Variants in FOXP2 observed in about 807,000 individuals in gnomAD.
FOXP2 encodes the protein forkhead box P2.
In FOXP2, 12 loss-of-function variants were observed where a neutral mutation model predicts 115.8. The observed-to-expected ratio is 0.10, with a 90% CI of 0.07 to 0.17. The LOEUF (loss-of-function observed/expected upper bound fraction) is 0.17. Among genes scored for constraint, FOXP2 ranks in the 10% least tolerant of loss-of-function variants. The probability of loss-of-function intolerance (pLI) is 1.00; values close to 1 mark genes in which losing one functional copy is unlikely to be tolerated. For missense variants in FOXP2, 629 were observed against 843.5 expected, an observed-to-expected ratio of 0.75 and a Z score of 3.15; for synonymous variants, 328 against 297.7, an observed-to-expected ratio of 1.10 and a Z score of -1.05.
At chr7:114,161,072 C>G (rs1414345328), upstream of FOXP2, among the ~76,000 whole-genome samples, 1 of 152,132 alleles carries the variant, frequency 6.6e-6, no homozygotes, top group African/African-American at 2.4e-5. Flanking sequence ...TTGGTCTTCA[C>G]TGACCCAAAA....
chr7:114,331,474 T>G (rs1238045556), intron 2 of FOXP2, among the ~76,000 whole-genome samples: 1 of 152,170 alleles, frequency 6.6e-6, no homozygotes, highest in Non-Finnish European at 1.5e-5. Flanking sequence ...TGAAGCTTAA[T>G]GTATAAAATT....
chr7:114,609,426 GA>G (rs1205208318), intron 3 of FOXP2, among the ~76,000 whole-genome samples: 2 of 152,048 alleles, frequency 1.3e-5, no homozygotes, highest in East Asian at 1.9e-4. Context: ...AAAGAAATGA[GA>G]AAATAGTAAA....
intron 2 of FOXP2, among the ~76,000 whole-genome samples, chr7:114,401,382 T>C (rs902198261): frequency 3.9e-5 from 6 of 152,198 alleles, no homozygotes; most frequent in Non-Finnish European, 5.9e-5. Context: ...GTTTCTTCTA[T>C]TGACTTGAAG....
chr7:114,223,088 T>C (rs1331239973), intron 1 of FOXP2, among the ~76,000 whole-genome samples: 2 of 152,158 alleles, frequency 1.3e-5, no homozygotes, highest in African/African-American at 4.8e-5. Flanking sequence ...TATTTGTTGG[T>C]ACACATATAC....
intron 3 of FOXP2, 79 bp downstream of exon 3, chr7:114,534,785 A>G (rs576246598): frequency 2.9e-6 from 3 of 1,051,142 alleles, no homozygotes; most frequent in East Asian, 4.8e-5. Flanking sequence ...ACCCACTTGT[A>G]TATATACAGG....
chr7:114,178,540 A>G (rs575396186), intron 1 of FOXP2, among the ~76,000 whole-genome samples: 38 of 152,006 alleles, frequency 2.5e-4, no homozygotes, highest in African/African-American at 8.7e-4. Context: ...TTTTATGAAA[A>G]TTTCATGTGC....
At chr7:114,590,338 A>G (rs1802380948) in intron 3 of FOXP2, among the ~76,000 whole-genome samples, 1 of 152,166 alleles carries the variant, frequency 6.6e-6, no homozygotes, top group South Asian at 2.1e-4. Context: ...TTGGTCAAAT[A>G]TTACAGGGAA....
intron 2 of FOXP2, among the ~76,000 whole-genome samples, chr7:114,462,704 T>A (rs193033021): frequency 6.6e-6 from 1 of 152,240 alleles, no homozygotes; most frequent in East Asian, 1.9e-4. Context: ...TCATAGTCTT[T>A]GAGCTGATAT....
At chr7:114,153,067 A>G (rs545424302) in intron 1 of FOXP2, among the ~76,000 whole-genome samples, 2 of 152,294 alleles carry the variant, frequency 1.3e-5, no homozygotes, top group South Asian at 4.1e-4. Flanking sequence ...TGGGAAAGAA[A>G]TTGTCAAATA....
chr7:114,106,698 C>A (rs367673646), intron 1 of FOXP2, among the ~76,000 whole-genome samples: 4 of 151,858 alleles, frequency 2.6e-5, no homozygotes, highest in East Asian at 1.9e-4. Context: ...AAACCTGAAA[C>A]CTGAAACTTA....
chr7:114,223,611 T>C (rs1297173910), intron 1 of FOXP2, among the ~76,000 whole-genome samples: 2 of 148,398 alleles, frequency 1.3e-5, no homozygotes, highest in East Asian at 3.9e-4. Context: ...ATTCTCACGG[T>C]TTATGGTGTA....
At chr7:114,626,397 A>G (rs567997324) in intron 3 of FOXP2, among the ~76,000 whole-genome samples, 9 of 151,976 alleles carry the variant, frequency 5.9e-5, no homozygotes, top group East Asian at 1.9e-4. Flanking sequence ...ATCATTATAC[A>G]TAAAGTATTT....
chr7:114,345,560 A>C (rs945404173), intron 2 of FOXP2, among the ~76,000 whole-genome samples: 2 of 151,692 alleles, frequency 1.3e-5, no homozygotes, highest in Non-Finnish European at 2.9e-5. Context: ...ATTTGTGTTC[A>C]TGTTCTGAAT....
intron 1 of FOXP2, among the ~76,000 whole-genome samples, chr7:114,285,008 C>T (rs772938876): frequency 6.6e-6 from 1 of 151,964 alleles, no homozygotes; most frequent in African/African-American, 2.4e-5. Context: ...AGGGGAACAA[C>T]AGATACTGCG....
chr7:114,663,562 CTTTTTT>C, intron 15 of FOXP2, 43 bp downstream of exon 15: 1 of 1,042,966 alleles, frequency 9.6e-7, no homozygotes, highest in Non-Finnish European at 1.4e-6. Flanking sequence ...ATGTTTAGGG[CTTTTTT>C]TTTTTTTTTG....
chr7:114,589,242 T>G (rs1425634295), intron 3 of FOXP2, among the ~76,000 whole-genome samples: 1 of 152,174 alleles, frequency 6.6e-6, no homozygotes, highest in Admixed American at 6.5e-5. Context: ...GGCTATTGGC[T>G]TTTTTTCAAA....
chr7:114,358,533 A>G (rs1791669085), intron 2 of FOXP2, among the ~76,000 whole-genome samples: 1 of 152,142 alleles, frequency 6.6e-6, no homozygotes. Flanking sequence ...AGGGCTCAGA[A>G]GACAGGGAAA....
Position 114,629,879 on chromosome 7 carries a change from GCAGCAGCAGCAA to G in FOXP2, c.474_485del (p.Gln188_Gln191del), listed in dbSNP as rs763717686. 1 of 1,609,998 alleles carries G rather than the reference GCAGCAGCAGCAA, an allele frequency of 6.2e-7. No individual in the cohort carries two copies. The highest frequency in any genetic ancestry group is 2.2e-5 in the East Asian group (1 of 44,768). ...AGCTTTTGCAGCAGCAGCAGCAACA[GCAGCAGCAGCAA>G]CAACAGCAGCAACAACAGCAGCAGC... On this transcript the variant is annotated inframe_deletion, in exon 5 of 17. Coordinates refer to ENST00000350908, the MANE Select transcript of FOXP2 (RefSeq NM_014491.4).
At chr7:114,614,139 A>G (rs890834833) in intron 3 of FOXP2, among the ~76,000 whole-genome samples, 1 of 152,226 alleles carries the variant, frequency 6.6e-6, no homozygotes, top group African/African-American at 2.4e-5. Flanking sequence ...ATTTTGATAG[A>G]TACTACCCAA....
Sources: allele counts gnomAD v4.1 joint callset (sites outside exome capture counted in the v4.1 genomes callset), GRCh38; gene constraint gnomAD v4.1.1; transcripts MANE v1.5; gene names NCBI Gene and HGNC (gene_info 2026-07-23, HGNC 2026-07-21).